Variants in TRIM2 observed in about 807,000 individuals in gnomAD.
TRIM2 encodes the protein tripartite motif containing 2.
In TRIM2, 20 loss-of-function variants were observed where a neutral mutation model predicts 75.2. The ratio of observed to expected loss-of-function variants is 0.27; its 90% confidence interval spans 0.19 to 0.39. TRIM2 has a LOEUF of 0.39. Among genes scored for constraint, TRIM2 ranks in the 10% least tolerant of loss-of-function variants. TRIM2 has a pLI of 1.00. For missense variants in TRIM2, 660 were observed against 990.8 expected (o/e 0.67, Z 4.48); for synonymous variants, 373 against 388.3 (o/e 0.96, Z 0.46).
At chr4:153,164,974 A>C (rs1006127873) in intron 1 of TRIM2, among the ~76,000 whole-genome samples, 2 of 151,190 alleles carry the variant, frequency 1.3e-5, no homozygotes, top group Non-Finnish European at 2.9e-5. Flanking sequence ...TAGATTTTCT[A>C]TGGGTTTATT....
intron 1 of TRIM2, among the ~76,000 whole-genome samples, chr4:153,175,526 A>G: frequency 6.6e-6 from 1 of 152,066 alleles, no homozygotes; most frequent in Admixed American, 6.6e-5. Context: ...AAACACACTC[A>G]GGAAGCTTCC....
At chr4:153,220,815 G>GA (rs1739747907) in intron 1 of TRIM2, among the ~76,000 whole-genome samples, 1 of 152,034 alleles carries the variant, frequency 6.6e-6, no homozygotes, top group Admixed American at 6.6e-5. Flanking sequence ...TGTCATTAGG[G>GA]AAATGCAAAG....
intron 1 of TRIM2, among the ~76,000 whole-genome samples, chr4:153,180,784 A>G (rs1372408348): frequency 1.3e-5 from 2 of 152,190 alleles, no homozygotes; most frequent in Non-Finnish European, 2.9e-5. Context: ...GGCCACCTAG[A>G]AATATTTTTA....
At chr4:153,268,034 T>C (rs1755716838) in intron 1 of TRIM2, among the ~76,000 whole-genome samples, 1 of 152,116 alleles carries the variant, frequency 6.6e-6, no homozygotes, top group South Asian at 2.1e-4. Context: ...CTGGTCAGGT[T>C]GGAGATGGAA....
intron 3 of TRIM2, among the ~76,000 whole-genome samples, chr4:153,285,565 C>T (rs1760424332): frequency 6.6e-6 from 1 of 152,110 alleles, no homozygotes; most frequent in Non-Finnish European, 1.5e-5. Context: ...GCAAGCAATC[C>T]TCCTGCCTCA....
chr4:153,293,277 T>C, intron 4 of TRIM2, 144 bp downstream of exon 4: 2 of 892,754 alleles, frequency 2.2e-6, no homozygotes, highest in Non-Finnish European at 3.2e-6. Context: ...TATCATGGAT[T>C]TGTTGTCATA....
chr4:153,175,443 C>T lies in TRIM2; in HGVS notation c.-49+22173C>T, dbSNP rs578115176. ...AACTCTCACACTGCCGTGATGGTGG[C>T]CTTCACCGAGACTGGACTCTCAGAA... is the stretch of plus-strand genomic sequence containing the variant. On this transcript the variant is annotated intron_variant, in intron 1 of 11. Transcript: ENST00000437508. 9.6e-4 allele frequency among the ~76,000 whole-genome samples: 146 copies of T among 152,114 alleles called. 1 individual carries two copies. Among genetic ancestry groups the T allele is most frequent in the African/African-American group, 3.3e-3 (138 of 41,482 alleles).
chr4:153,220,332 GAGAC>G (rs755560900), intron 1 of TRIM2, among the ~76,000 whole-genome samples: 1 of 152,114 alleles, frequency 6.6e-6, no homozygotes, highest in Non-Finnish European at 1.5e-5. Flanking sequence ...GATATGATGA[GAGAC>G]AGGTTGTTAT....
intron 6 of TRIM2, chr4:153,308,719 C>T (rs748150072): frequency 4.7e-5 from 26 of 552,614 alleles, no homozygotes; most frequent in South Asian, 2.1e-4. Flanking sequence ...AGAGTGTTCA[C>T]CCTCCAAGCT....
At chr4:153,247,545 G>A (rs1024529564) in intron 1 of TRIM2, among the ~76,000 whole-genome samples, 20 of 152,028 alleles carry the variant, frequency 1.3e-4, no homozygotes. Context: ...GGACATGGTG[G>A]CACATGCCTG....
intron 1 of TRIM2, among the ~76,000 whole-genome samples, chr4:153,204,763 C>CA (rs970226746): frequency 7.2e-5 from 11 of 151,932 alleles, no homozygotes; most frequent in Admixed American, 2.0e-4. Flanking sequence ...AGTAAGGAAG[C>CA]AAAAAATCGA....
At chr4:153,269,891 T>G (rs965857487) in intron 1 of TRIM2, among the ~76,000 whole-genome samples, 1 of 152,204 alleles carries the variant, frequency 6.6e-6, no homozygotes, top group Non-Finnish European at 1.5e-5. Context: ...TTGAGGTCAC[T>G]GGCATTGACT....
At chr4:153,278,257 G>T (rs1035136374) in intron 3 of TRIM2, among the ~76,000 whole-genome samples, 4 of 152,082 alleles carry the variant, frequency 2.6e-5, no homozygotes, top group Non-Finnish European at 4.4e-5. Context: ...GGGACTACAG[G>T]TGCATGCCAC....
At chr4:153,288,804 G>A (rs1397197997) in intron 3 of TRIM2, among the ~76,000 whole-genome samples, 1 of 150,038 alleles carries the variant, frequency 6.7e-6, no homozygotes, top group African/African-American at 2.5e-5. Context: ...CTCACAGACT[G>A]TATAATCTCA....
rs917108375 is a variant in TRIM2, at chr4:153,196,389, A to C, written c.-49+43119A>C. Among the ~76,000 whole-genome samples the C allele has an allele frequency of 4.6e-5, 7 of 152,194 alleles. No individual in the cohort carries two copies. In the South Asian group the frequency reaches 6.2e-4, roughly 14 times the overall value. Reference sequence around the variant, plus strand: ...GAGGTCAAGGCTGCAGTGAGCTATGATCACACCACTGTACTCCAGCCTGTG... The same window carrying C: ...GAGGTCAAGGCTGCAGTGAGCTATGCTCACACCACTGTACTCCAGCCTGTG... On this transcript the variant is annotated intron_variant, in intron 1 of 11. Coordinates refer to the TRIM2 transcript ENST00000437508.
At chr4:153,269,404 T>C (rs1043051721) in intron 1 of TRIM2, among the ~76,000 whole-genome samples, 6 of 152,162 alleles carry the variant, frequency 3.9e-5, no homozygotes, top group Non-Finnish European at 7.3e-5. Flanking sequence ...TCTTCCTGGC[T>C]CTGGAGAGAG....
chr4:153,273,270 C>CATTTTTTTTTTTTTTTTTTT (rs1757187818), intron 2 of TRIM2, among the ~76,000 whole-genome samples: 25 of 57,384 alleles, frequency 4.4e-4, no homozygotes, highest in African/African-American at 1.7e-3. Context: ...TACAGTCACT[C>CATTTTTTTTTTTTTTTTTTT]TTTTTTTTTT....
intron 1 of TRIM2, among the ~76,000 whole-genome samples, chr4:153,246,235 T>C (rs1749106289): frequency 6.6e-6 from 1 of 152,216 alleles, no homozygotes; most frequent in Non-Finnish European, 1.5e-5. Context: ...AAAGTATCTC[T>C]TTTAAAAAGT....
intron 1 of TRIM2, among the ~76,000 whole-genome samples, chr4:153,249,515 A>G (rs894459264): frequency 6.6e-6 from 1 of 152,208 alleles, no homozygotes. Flanking sequence ...GTCTAAAAGT[A>G]ATCCACTATC....
Sources: gnomAD v4.1 joint callset for allele counts (sites outside exome capture counted in the v4.1 genomes callset) on GRCh38, gnomAD v4.1.1 for gene constraint, MANE v1.5 for transcripts, NCBI Gene and HGNC (gene_info 2026-07-23, HGNC 2026-07-21) for gene names.